GLMN: variants seen among roughly 807,000 people sequenced by gnomAD.
GLMN encodes the protein glomulin.
GLMN carries 75 observed loss-of-function variants against 87.8 expected under a neutral mutation model. The ratio of observed to expected loss-of-function variants is 0.85; its 90% CI spans 0.71 to 1.04. The LOEUF is 1.04. Ranked by LOEUF, GLMN falls within the 50% of genes least tolerant of loss-of-function variation. The pLI is 0.00. For synonymous variants in GLMN, 206 were observed against 221.6 expected (o/e 0.93, Z 0.63); for missense variants, 588 against 658.8 (o/e 0.89, Z 1.18).
intron 15 of GLMN, 80 bp downstream of exon 15, chr1:92,263,538 CATTTT>C: frequency 1.3e-6 from 1 of 783,020 alleles, no homozygotes; most frequent in Non-Finnish European, 2.4e-6. Flanking sequence ...CAGGAAAAGA[CATTTT>C]ATTACTTTAG....
chr1:92,344,261 T>A, the GLMN span, among the ~76,000 whole-genome samples: 1 of 152,128 alleles, frequency 6.6e-6, no homozygotes, highest in East Asian at 1.9e-4. Context: ...ATACAAAAAT[T>A]AGGCGTGGTG....
At chr1:92,351,321 A>G in the GLMN span, among the ~76,000 whole-genome samples, 5 of 149,248 alleles carry the variant, frequency 3.4e-5, no homozygotes, top group Non-Finnish European at 7.4e-5. Context: ...AAAAAAAAAA[A>G]AAAAAAAGAA....
At chr1:92,273,175 A>C (rs1288431457) in intron 7 of GLMN, among the ~76,000 whole-genome samples, 2 of 152,202 alleles carry the variant, frequency 1.3e-5, no homozygotes, top group East Asian at 1.9e-4. Flanking sequence ...CAGGGACTTA[A>C]AATCTGCTGA....
At chr1:92,335,614 A>AT in the GLMN span, among the ~76,000 whole-genome samples, 2 of 152,182 alleles carry the variant, frequency 1.3e-5, no homozygotes, top group Non-Finnish European at 2.9e-5. Flanking sequence ...ATGAAGTACA[A>AT]TGGTATTATA....
At chr1:92,293,886 TG>T (rs1649719974) in intron 3 of GLMN, among the ~76,000 whole-genome samples, 1 of 152,006 alleles carries the variant, frequency 6.6e-6, no homozygotes, top group African/African-American at 2.4e-5. Flanking sequence ...CTCACTTTTT[TG>T]TGGGATCTGA....
At chr1:92,343,627 CA>C in the GLMN span, among the ~76,000 whole-genome samples, 1 of 151,962 alleles carries the variant, frequency 6.6e-6, no homozygotes, top group Non-Finnish European at 1.5e-5. Flanking sequence ...TTAATTTATT[CA>C]AAAAGTATTA....
the GLMN span, chr1:92,336,570 AAAC>A: frequency 1.5e-5 from 9 of 597,712 alleles, no homozygotes; most frequent in African/African-American, 1.1e-4. Context: ...CTCCTCCACT[AAAC>A]AACATTATTT....
chr1:92,319,465 T>G, the GLMN span, among the ~76,000 whole-genome samples: 6 of 152,118 alleles, frequency 3.9e-5, no homozygotes, highest in Non-Finnish European at 7.4e-5. Context: ...GCATTTTTCT[T>G]CTACTAAATT....
chr1:92,300,253 ATGGACAACTACAT>A, upstream of GLMN: 1 of 1,595,030 alleles, frequency 6.3e-7, no homozygotes, highest in African/African-American at 1.3e-5. Context: ...TGACAGCTAC[ATGGACAACTACAT>A]TGGCATATCT....
At chr1:92,300,364 A>G, upstream of GLMN, 1 of 721,634 alleles carries the variant, frequency 1.4e-6, no homozygotes, top group East Asian at 2.6e-5. Flanking sequence ...GGGAAGGGAA[A>G]GATCTGGGAA....
the GLMN span, among the ~76,000 whole-genome samples, chr1:92,315,277 C>T: frequency 6.6e-6 from 1 of 152,140 alleles, no homozygotes; most frequent in Non-Finnish European, 1.5e-5. Flanking sequence ...TCAGTCAGAA[C>T]ACACACATTT....
chr1:92,285,357 CA>C (rs1178247147), intron 7 of GLMN, among the ~76,000 whole-genome samples: 1 of 152,124 alleles, frequency 6.6e-6, no homozygotes, highest in Non-Finnish European at 1.5e-5. Context: ...AGCAAACTAT[CA>C]CAAGAACAGA....
At chr1:92,258,480 A>ATTGG in intron 16 of GLMN, among the ~76,000 whole-genome samples, 1 of 152,240 alleles carries the variant, frequency 6.6e-6, no homozygotes, top group East Asian at 1.9e-4. Flanking sequence ...ACTATTCACA[A>ATTGG]TAGCAAAGAC....
At chr1:92,308,052 G>T in the GLMN span, among the ~76,000 whole-genome samples, 2 of 151,888 alleles carry the variant, frequency 1.3e-5, no homozygotes, top group African/African-American at 2.4e-5. Context: ...ATAATGAGAT[G>T]CAGGTTAGCT....
chr1:92,359,383 A>T, the GLMN span, among the ~76,000 whole-genome samples: 1 of 152,228 alleles, frequency 6.6e-6, no homozygotes, highest in Admixed American at 6.5e-5. Flanking sequence ...GCAATGGCAC[A>T]ATCTCGGCTC....
At chr1:92,358,600 C>G in the GLMN span, among the ~76,000 whole-genome samples, 1 of 150,948 alleles carries the variant, frequency 6.6e-6, no homozygotes, top group South Asian at 2.1e-4. Flanking sequence ...TATTTTTTTT[C>G]CTTTTGAGAC....
the GLMN span, among the ~76,000 whole-genome samples, chr1:92,321,627 G>C: frequency 6.6e-6 from 1 of 151,842 alleles, no homozygotes; most frequent in Non-Finnish European, 1.5e-5. Flanking sequence ...TCCCTTTTTC[G>C]TAATTCTTCA....
chr1:92,321,450 T>C, the GLMN span, among the ~76,000 whole-genome samples: 4 of 152,082 alleles, frequency 2.6e-5, no homozygotes, highest in Non-Finnish European at 2.9e-5. Context: ...TCCATGACCT[T>C]GCTTTCAACT....
the GLMN span, among the ~76,000 whole-genome samples, chr1:92,329,815 T>G: frequency 6.6e-6 from 1 of 152,238 alleles, no homozygotes; most frequent in Non-Finnish European, 1.5e-5. Context: ...CTTAGAATTT[T>G]TGCACATATT....
Sources: gnomAD v4.1 joint callset for allele counts (sites outside exome capture counted in the v4.1 genomes callset) on GRCh38, gnomAD v4.1.1 for gene constraint, MANE v1.5 for transcripts, NCBI Gene and HGNC (gene_info 2026-07-23, HGNC 2026-07-21) for gene names.